The following MAP3K20 variants were observed in gnomAD, a reference collection of about 807,000 sequenced individuals.
MAP3K20 encodes mitogen-activated protein kinase kinase kinase 20, also known as HCCS-4.
A neutral mutation model predicts 85.7 loss-of-function variants in MAP3K20; 40 were observed. That is an observed-to-expected ratio of 0.47 (90% CI 0.36 to 0.61). The LOEUF (loss-of-function observed/expected upper bound fraction) is 0.61, where lower values mean the gene tolerates loss of function less well. MAP3K20 is among the 20% of genes least tolerant of loss of function. The pLI, the probability that MAP3K20 is intolerant of heterozygous loss-of-function variation, is 0.00. For missense variants in MAP3K20, 817 were observed against 961.7 expected, an observed-to-expected ratio of 0.85 and a Z score of 1.99; for synonymous variants, 325 against 327.7, an observed-to-expected ratio of 0.99 and a Z score of 0.09.
intron 3 of MAP3K20, among the ~76,000 whole-genome samples, chr2:173,173,177 TGTGTGTG>T (rs1690053400): frequency 4.5e-5 from 6 of 132,248 alleles, no homozygotes; most frequent in Non-Finnish European, 1.0e-4. Flanking sequence ...TGTGTGTGTG[TGTGTGTG>T]TGTGTGTGTG....
At chr2:173,199,542 T>C (rs3769162) in intron 8 of MAP3K20, among the ~76,000 whole-genome samples, 2 of 152,034 alleles carry the variant, frequency 1.3e-5, no homozygotes, top group African/African-American at 4.8e-5. Context: ...TTAGAGATCT[T>C]GTTCTGGGTT....
intron 2 of MAP3K20, among the ~76,000 whole-genome samples, chr2:173,133,418 G>T (rs1688672690): frequency 6.6e-6 from 1 of 152,198 alleles, no homozygotes; most frequent in African/African-American, 2.4e-5. Flanking sequence ...GTTTGATTTA[G>T]AGAGTGAGAG....
intron 2 of MAP3K20, among the ~76,000 whole-genome samples, chr2:173,093,341 A>C (rs1028120542): frequency 6.6e-6 from 1 of 152,196 alleles, no homozygotes; most frequent in African/African-American, 2.4e-5. Context: ...ACACTTAATA[A>C]AATGTTCGCA....
chr2:173,185,959 CTTAA>C (rs774489744), intron 4 of MAP3K20, among the ~76,000 whole-genome samples: 1 of 152,112 alleles, frequency 6.6e-6, no homozygotes, highest in Non-Finnish European at 1.5e-5. Context: ...TTTCAGCCTT[CTTAA>C]TTGTTTGCAA....
At chr2:173,087,546 GA>G (rs894958016) in intron 1 of MAP3K20, among the ~76,000 whole-genome samples, 1 of 152,096 alleles carries the variant, frequency 6.6e-6, no homozygotes, top group Non-Finnish European at 1.5e-5. Context: ...ACCAATGAAT[GA>G]AAAAGACTCA....
intron 2 of MAP3K20, among the ~76,000 whole-genome samples, chr2:173,139,446 C>G (rs115005323): frequency 0.023 from 3,441 of 152,200 alleles, 123 homozygotes; most frequent in African/African-American, 0.078. Flanking sequence ...TGAGTCTATA[C>G]CATATGCTGT....
intron 8 of MAP3K20, among the ~76,000 whole-genome samples, chr2:173,202,455 CTG>C (rs1691100916): frequency 6.6e-6 from 1 of 152,164 alleles, no homozygotes; most frequent in Admixed American, 6.6e-5. Flanking sequence ...GCAAACAGAA[CTG>C]TGGAATAAGT....
intron 16 of MAP3K20, among the ~76,000 whole-genome samples, chr2:173,246,801 G>T (rs1684925278): frequency 6.6e-6 from 1 of 152,166 alleles, no homozygotes; most frequent in South Asian, 2.1e-4. Flanking sequence ...ATAAGAGACT[G>T]AGGTTAGGGG....
chr2:173,226,139 C>T, intron 11 of MAP3K20: 1 of 983,138 alleles, frequency 1.0e-6, no homozygotes, highest in Non-Finnish European at 1.2e-6. Context: ...GACTTTTAAA[C>T]ACCAGCTAAG....
chr2:173,191,559 C>T (rs1690651655), intron 7 of MAP3K20, among the ~76,000 whole-genome samples: 1 of 152,132 alleles, frequency 6.6e-6, no homozygotes. Context: ...TAATGGATTG[C>T]TTAAACAGTA....
intron 11 of MAP3K20, chr2:173,221,473 C>T (rs1321820003): frequency 1.9e-5 from 30 of 1,608,846 alleles, no homozygotes; most frequent in Admixed American, 8.4e-5. Context: ...CAGAAGGTGA[C>T]GATGATGATG....
intron 2 of MAP3K20, among the ~76,000 whole-genome samples, chr2:173,169,479 C>T (rs1416740444): frequency 3.3e-5 from 5 of 151,702 alleles, no homozygotes; most frequent in Non-Finnish European, 5.9e-5. Flanking sequence ...CCAGCACTTT[C>T]GGAGGCCAAG....
intron 12 of MAP3K20, 52 bp downstream of exon 12, chr2:173,229,785 T>A (rs572312385): frequency 3.1e-4 from 494 of 1,605,178 alleles, no homozygotes; most frequent in Admixed American, 4.7e-4. Flanking sequence ...ATTTCATAAA[T>A]TTTTCCCTAA....
chr2:173,203,917 T>C (rs755657203), intron 9 of MAP3K20, 47 bp downstream of exon 9: 1 of 1,555,508 alleles, frequency 6.4e-7, no homozygotes, highest in Non-Finnish European at 8.9e-7. Context: ...GAAATTTCTC[T>C]TGTTTGGCTT....
intron 2 of MAP3K20, among the ~76,000 whole-genome samples, chr2:173,153,220 C>T (rs184514275): frequency 6.6e-5 from 10 of 152,280 alleles, no homozygotes; most frequent in South Asian, 6.2e-4. Flanking sequence ...GAAGTTGTTA[C>T]GCCTCCCATT....
chr2:173,208,729 C>T (rs1452961418), intron 9 of MAP3K20, among the ~76,000 whole-genome samples: 1 of 152,130 alleles, frequency 6.6e-6, no homozygotes, highest in Admixed American at 6.5e-5. Flanking sequence ...GAGAGCAAGC[C>T]ACCTCAACAT....
At chr2:173,252,162 G>A (rs1395637698) in intron 16 of MAP3K20, among the ~76,000 whole-genome samples, 1 of 151,904 alleles carries the variant, frequency 6.6e-6, no homozygotes, top group East Asian at 1.9e-4. Flanking sequence ...TTCCTTGTGG[G>A]AGATCACTTG....
intron 2 of MAP3K20, among the ~76,000 whole-genome samples, chr2:173,146,327 T>C (rs561402717): frequency 6.6e-6 from 1 of 152,272 alleles, no homozygotes; most frequent in Non-Finnish European, 1.5e-5. Context: ...ATGTGTGTGT[T>C]TGTATACATG....
At chr2:173,242,212 G>A (rs900507851) in intron 16 of MAP3K20, among the ~76,000 whole-genome samples, 1 of 147,658 alleles carries the variant, frequency 6.8e-6, no homozygotes, top group Non-Finnish European at 1.5e-5. Context: ...TTTTGCTCTT[G>A]TTGCCCAGGA....
Sources: gnomAD v4.1 joint callset for allele counts (sites outside exome capture counted in the v4.1 genomes callset) on GRCh38, gnomAD v4.1.1 for gene constraint, MANE v1.5 for transcripts, NCBI Gene and HGNC (gene_info 2026-07-23, HGNC 2026-07-21) for gene names.